Variants in TENM1 observed in about 807,000 individuals in gnomAD.
TENM1 encodes the protein teneurin transmembrane protein 1.
Under a neutral mutation model 174.8 loss-of-function variants are expected in TENM1, and 35 were observed. The ratio of observed to expected loss-of-function variants is 0.20; its 90% confidence interval spans 0.15 to 0.27. The LOEUF is 0.27. Among genes scored for constraint, TENM1 ranks in the 10% least tolerant of loss-of-function variants. The pLI is 1.00. For missense variants in TENM1, 1,633 were observed against 2,130.1 expected (o/e 0.77, Z 4.59); for synonymous variants, 781 against 798.7 (o/e 0.98, Z 0.37).
At chrX:124,415,806 C>T (rs182863617) in intron 25 of TENM1, among the ~76,000 whole-genome samples, 1 of 111,632 alleles carries the variant, frequency 9.0e-6, no homozygotes, top group Non-Finnish European at 1.9e-5. Context: ...AGAATCTTGC[C>T]TACCACACAG....
intron 11 of TENM1, among the ~76,000 whole-genome samples, chrX:124,628,869 G>A (rs1031881294): frequency 3.6e-5 from 4 of 111,613 alleles, no homozygotes; most frequent in African/African-American, 1.3e-4. Context: ...GCTTCAGTGA[G>A]GTCTTCTTAA....
the TENM1 span, among the ~76,000 whole-genome samples, chrX:125,039,825 C>CTTTTTTTTTTTT: frequency 9.0e-6 from 1 of 111,347 alleles, no homozygotes; most frequent in African/African-American, 3.3e-5. Context: ...TGAGCCTTTT[C>CTTTTTTTTTTTT]TTATTAACCT....
At chrX:124,747,186 T>A (rs1226665816) in intron 3 of TENM1, among the ~76,000 whole-genome samples, 10 of 105,815 alleles carry the variant, frequency 9.5e-5, no homozygotes, top group African/African-American at 3.5e-4. Context: ...TAAATAAAAT[T>A]AAAAAAAATA....
intron 4 of TENM1, among the ~76,000 whole-genome samples, chrX:124,717,736 C>T (rs1569410268): frequency 8.9e-6 from 1 of 111,918 alleles, no homozygotes; most frequent in Non-Finnish European, 1.9e-5. Context: ...AGATAATTTT[C>T]CATATTGAGC....
chrX:125,017,288 T>C, the TENM1 span, among the ~76,000 whole-genome samples: 1 of 111,762 alleles, frequency 8.9e-6, no homozygotes, highest in South Asian at 3.7e-4. Context: ...ACCTACAGAA[T>C]GGGAGAAAAT....
intron 3 of TENM1, among the ~76,000 whole-genome samples, chrX:124,750,736 C>T (rs1425603635): frequency 9.0e-6 from 1 of 111,613 alleles, no homozygotes; most frequent in Non-Finnish European, 1.9e-5. Flanking sequence ...TAGTGCAAGG[C>T]CTTGGGTACC....
chrX:124,614,463 G>A (rs1215198842), intron 11 of TENM1, among the ~76,000 whole-genome samples: 3 of 111,959 alleles, frequency 2.7e-5, no homozygotes, highest in Non-Finnish European at 5.6e-5. Context: ...CTATTTCTGG[G>A]TCATGCATGT....
At chrX:124,640,989 C>T (rs183991618) in intron 11 of TENM1, among the ~76,000 whole-genome samples, 2,627 of 97,934 alleles carry the variant, frequency 0.027, 92 homozygotes, top group African/African-American at 0.098. Flanking sequence ...ATCAGGGGAT[C>T]CCTGTTGATG....
At chrX:124,592,524 C>T (rs1388168098) in intron 11 of TENM1, among the ~76,000 whole-genome samples, 1 of 107,592 alleles carries the variant, frequency 9.3e-6, no homozygotes, top group African/African-American at 3.4e-5. Context: ...CAATCTCTGC[C>T]TCCCAGGTTC....
intron 1 of TENM1, among the ~76,000 whole-genome samples, chrX:124,903,488 T>G (rs1008872915): frequency 8.0e-5 from 9 of 112,014 alleles, no homozygotes; most frequent in Non-Finnish European, 1.5e-4. Flanking sequence ...TCCAATCATA[T>G]TTAGAGAGAG....
intron 23 of TENM1, among the ~76,000 whole-genome samples, chrX:124,427,722 A>C (rs898665752): frequency 7.1e-5 from 8 of 112,073 alleles, no homozygotes; most frequent in Non-Finnish European, 1.5e-4. Context: ...CTGGTGCCTT[A>C]TGCTCACACA....
At chrX:124,998,157 T>A in the TENM1 span, among the ~76,000 whole-genome samples, 1 of 109,365 alleles carries the variant, frequency 9.1e-6, no homozygotes, top group Admixed American at 9.8e-5. Context: ...TTGCCACTAG[T>A]TTCTTTTTAT....
chrX:124,821,998 C>T (rs772943617), intron 3 of TENM1, among the ~76,000 whole-genome samples: 4 of 112,108 alleles, frequency 3.6e-5, no homozygotes, highest in Admixed American at 2.8e-4. Context: ...AGACTATTAG[C>T]TATCCACCAA....
intron 3 of TENM1, among the ~76,000 whole-genome samples, chrX:124,850,235 A>G (rs138884713): frequency 0.07 from 7,787 of 111,455 alleles, 628 homozygotes; most frequent in African/African-American, 0.24. Context: ...AATCTGTTAC[A>G]TTTTCCAGCC....
chrX:124,761,318 A>G (rs1303318830), intron 3 of TENM1, among the ~76,000 whole-genome samples: 5 of 110,427 alleles, frequency 4.5e-5, no homozygotes, highest in Non-Finnish European at 7.6e-5. Context: ...GATAGACTGG[A>G]TTAAGAAAAT....
the TENM1 span, among the ~76,000 whole-genome samples, chrX:125,005,407 TTGTGTGTGTGTG>T: frequency 4.5e-5 from 4 of 89,491 alleles, no homozygotes; most frequent in East Asian, 4.0e-4. Context: ...CCTGACTTGG[TTGTGTGTGTGTG>T]TGTGTGTGTG....
intron 20 of TENM1, among the ~76,000 whole-genome samples, chrX:124,491,666 G>T (rs755861018): frequency 8.9e-6 from 1 of 111,756 alleles, no homozygotes; most frequent in East Asian, 2.8e-4. Context: ...TAATGATAGT[G>T]ATATTGCTGA....
chrX:124,596,721 A>G (rs1226557277), intron 11 of TENM1, among the ~76,000 whole-genome samples: 5 of 111,808 alleles, frequency 4.5e-5, no homozygotes, highest in Non-Finnish European at 5.6e-5. Flanking sequence ...GGGCTGGACA[A>G]GCAGAGGTCA....
intron 11 of TENM1, among the ~76,000 whole-genome samples, chrX:124,592,351 G>A (rs1413042306): frequency 9.0e-6 from 1 of 111,027 alleles, no homozygotes; most frequent in African/African-American, 3.3e-5. Flanking sequence ...TTCTCATCTG[G>A]AGATGTTGGC....
Sources: allele counts gnomAD v4.1 joint callset (sites outside exome capture counted in the v4.1 genomes callset), GRCh38; gene constraint gnomAD v4.1.1; transcripts MANE v1.5; gene names NCBI Gene and HGNC (gene_info 2026-07-23, HGNC 2026-07-21).